The following ALOX12B variants were observed in gnomAD, a reference collection of about 807,000 sequenced individuals.
ALOX12B encodes arachidonate 12-lipoxygenase, 12R-type.
In ALOX12B, 47 loss-of-function variants were observed where a neutral mutation model predicts 78.9. The ratio of observed to expected loss-of-function variants is 0.60; its 90% confidence interval spans 0.47 to 0.76. The LOEUF (loss-of-function observed/expected upper bound fraction) is 0.76. ALOX12B is among the 30% of genes least tolerant of loss of function. The pLI is 0.00. For missense variants in ALOX12B, 805 were observed against 922.6 expected, an observed-to-expected ratio of 0.87 and a Z score of 1.65; for synonymous variants, 370 against 374.5, an observed-to-expected ratio of 0.99 and a Z score of 0.14.
Position 8,081,174 on chromosome 17 carries a change from T to C in ALOX12B, c.366A>G (p.Ala122=). The C allele has an allele frequency of 6.2e-7, 1 of 1,614,014 alleles. No individual in the cohort carries two copies. Among genetic ancestry groups the C allele is most frequent in the African/African-American group, 1.3e-5 (1 of 75,012 alleles). Residue 122 remains alanine, a synonymous_variant, in exon 3 of 15, where the codon GCA becomes GCG. Coordinates refer to ENST00000647874, the MANE Select transcript of ALOX12B (RefSeq NM_001139.3). ...ALREATGKTT[A]DDSLPVLLEH... is the part of the protein sequence containing the mutation. ...CCAGGAGGACGGGGAGCGAGTCATC[T>C]GCTGTTGTCTTTCCTGTAGGGAGAC...
intron 2 of ALOX12B, among the ~76,000 whole-genome samples, chr17:8,082,527 C>G (rs1977236775): frequency 2.0e-5 from 3 of 152,228 alleles, no homozygotes; most frequent in Non-Finnish European, 2.9e-5. Flanking sequence ...TAAGCCTGTT[C>G]CCACTAGCTG....
At chr17:8,083,761 C>A (rs914580740) in intron 2 of ALOX12B, among the ~76,000 whole-genome samples, 40 of 143,652 alleles carry the variant, frequency 2.8e-4, no homozygotes, top group Middle Eastern at 3.5e-3. Flanking sequence ...CAAAAAAAAA[C>A]AACTCCGTTC....
intron 12 of ALOX12B, among the ~76,000 whole-genome samples, chr17:8,073,992 C>A (rs1977035124): frequency 6.6e-6 from 1 of 152,206 alleles, no homozygotes; most frequent in Non-Finnish European, 1.5e-5. Context: ...CTGCTCCTGG[C>A]CCCTGTCTAA....
intron 2 of ALOX12B, among the ~76,000 whole-genome samples, chr17:8,083,948 G>A (rs1978290615): frequency 6.6e-6 from 1 of 152,050 alleles, no homozygotes; most frequent in Non-Finnish European, 1.5e-5. Context: ...CACAAGGTCA[G>A]GAGATCGAAA....
rs750156655 is a variant in ALOX12B, at chr17:8,080,924, G to C, written c.487C>G (p.Arg163Gly). Residue 163 changes from arginine (R) to glycine (G), a missense_variant, in exon 4 of 15, where the codon CGC becomes GGC. Transcript: ENST00000647874. The surrounding 1 kb of genome is among the most constrained non-coding windows in gnomAD (Gnocchi z 4.8). ...LPSYVHIPSY[R>G]PPVRRHRNPN... ...TTGCGATGCCTCCGCACCGGAGGGC[G>C]GTAACTGGGAATGTGCACATAGCTG... The C allele has an allele frequency of 8.7e-6, 14 of 1,613,904 alleles. No individual in the cohort carries two copies. Among genetic ancestry groups the C allele is most frequent in the Non-Finnish European group, 1.1e-5 (13 of 1,180,010 alleles).
rs1166532297 is a variant in ALOX12B, at chr17:8,079,994, G to T, written c.755-53C>A. ...AGGAGGCCCGGCCCCCCTCGGGGACGGAGAGGCATGGGACAGAAGAAGACT... is the reference window on the plus strand; with the variant it reads ...AGGAGGCCCGGCCCCCCTCGGGGACTGAGAGGCATGGGACAGAAGAAGACT... On this transcript the variant is annotated intron_variant, in intron 6 of 14. Coordinates refer to ENST00000647874, the MANE Select transcript of ALOX12B (RefSeq NM_001139.3). The surrounding 1 kb of genome is among the most constrained non-coding windows in gnomAD (Gnocchi z 6.4). 6.3e-7 allele frequency: 1 copy of T among 1,584,388 alleles called. No individual in the cohort carries two copies. Among genetic ancestry groups the T allele is most frequent in the South Asian group, 1.1e-5 (1 of 88,120 alleles).
At chr17:8,085,217 A>G (rs1978293023) in intron 2 of ALOX12B, among the ~76,000 whole-genome samples, 1 of 152,228 alleles carries the variant, frequency 6.6e-6, no homozygotes, top group Non-Finnish European at 1.5e-5. Flanking sequence ...ACTGGGGCTC[A>G]TGCCTGTAAT....
rs977997904 is a variant in ALOX12B, at chr17:8,077,278, A to T, written c.1072-85T>A. 5.4e-5 allele frequency: 75 copies of T among 1,378,936 alleles called. No homozygotes were observed. The African/African-American group carries it at 9.2e-4, about 17-fold the overall frequency. The allele number at this position is 1,378,936 out of a possible 1,614,324, so 85.4% of individuals were successfully genotyped here. On this transcript the variant is annotated intron_variant, in intron 8 of 14. Transcript: ENST00000647874. Reference sequence around the variant, plus strand: ...CCACCGCAGGAAGGAGGCAGAAGGGAGTATGAGAAGGTGAAAACACTCCTA... The same window carrying T: ...CCACCGCAGGAAGGAGGCAGAAGGGTGTATGAGAAGGTGAAAACACTCCTA...
intron 10 of ALOX12B, 150 bp from the exon 11 acceptor site, chr17:8,076,494 T>C (rs566975883): frequency 2.5e-4 from 311 of 1,240,528 alleles, no homozygotes; most frequent in Middle Eastern, 1.1e-3. Context: ...ACACCAGCCC[T>C]GCCTCTGCTC....
chr17:8,075,259 C>T (rs1977056546), intron 12 of ALOX12B, among the ~76,000 whole-genome samples: 1 of 152,214 alleles, frequency 6.6e-6, no homozygotes, highest in Non-Finnish European at 1.5e-5. Flanking sequence ...GCCTCCTGCC[C>T]CTTCCCGTTG....
chr17:8,083,760 AC>A (rs1297967747), intron 2 of ALOX12B, among the ~76,000 whole-genome samples: 1 of 149,446 alleles, frequency 6.7e-6, no homozygotes, highest in Non-Finnish European at 1.5e-5. Context: ...ACAAAAAAAA[AC>A]AACTCCGTTC....
Position 8,073,033 on chromosome 17 carries a change from T to G in ALOX12B, c.1927-83A>C. 7 of 1,596,668 alleles carry G rather than the reference T, an allele frequency of 4.4e-6. No homozygotes were observed. In the South Asian group the frequency reaches 4.4e-5, roughly 10 times the overall value. ...CCGGTGGCCCTGGCCCCTCCACCCT[T>G]TGGTTTCAGTGGCCTCTCACTCCCT... On this transcript the variant is annotated intron_variant, in intron 14 of 14. Transcript: ENST00000647874.
chr17:8,083,099 G>A (rs1183392371), intron 2 of ALOX12B, among the ~76,000 whole-genome samples: 1 of 152,058 alleles, frequency 6.6e-6, no homozygotes, highest in African/African-American at 2.4e-5. Flanking sequence ...TTTTTACTGG[G>A]AAGTGTTAGT....
rs771206612 is a variant in ALOX12B at position 8,086,018 on chromosome 17, G to A, written c.350C>T (p.Thr117Ile). 2 of 1,614,120 alleles carry A rather than the reference G, an allele frequency of 1.2e-6. No individual in the cohort carries two copies. Among genetic ancestry groups the A allele is most frequent in the Admixed American group, 3.3e-5 (2 of 60,032 alleles). Residue 117 changes from threonine (T) to isoleucine (I), a missense_variant and splice_region_variant, in exon 2 of 15, where the codon ACA becomes ATA. Transcript: ENST00000647874. ...GYETLALREA[T>I]GKTTADDSLP... is the part of the protein sequence containing the mutation. Reference sequence around the variant, plus strand: ...GGAGCAGGGTGATGAGGGCTTACCTGTGGCCTCCCGGAGTGCCAGGGTCTC... The same window carrying A: ...GGAGCAGGGTGATGAGGGCTTACCTATGGCCTCCCGGAGTGCCAGGGTCTC...
chr17:8,084,594 G>A (rs1978291801), intron 2 of ALOX12B, among the ~76,000 whole-genome samples: 1 of 152,142 alleles, frequency 6.6e-6, no homozygotes, highest in South Asian at 2.1e-4. Flanking sequence ...TGTGTCCCCA[G>A]TGAGACCCTC....
rs1477733910 is a variant in ALOX12B, at chr17:8,072,686, G to T, written c.*85C>A. ...TTTGTTTGGTGTTTTGGTCTCTGAG[G>T]TTTTTGTGTTTTTTGCTTGTTTGTT... On this transcript the variant is annotated 3_prime_UTR_variant, in exon 15 of 15. Coordinates refer to ENST00000647874, the MANE Select transcript of ALOX12B (RefSeq NM_001139.3). 2 of 1,564,376 alleles carry T rather than the reference G, an allele frequency of 1.3e-6. No individual in the cohort carries two copies. Among genetic ancestry groups the T allele is most frequent in the Admixed American group, 1.7e-5 (1 of 59,636 alleles).
chr17:8,076,580 G>A, intron 10 of ALOX12B, 77 bp downstream of exon 10: 1 of 1,476,790 alleles, frequency 6.8e-7, no homozygotes, highest in Non-Finnish European at 9.3e-7. Context: ...AGGCAAATGG[G>A]AAGTCCTCCT....
intron 8 of ALOX12B, among the ~76,000 whole-genome samples, chr17:8,078,894 CTT>C (rs398030274): frequency 0.07 from 8,097 of 115,220 alleles, 206 homozygotes; most frequent in South Asian, 0.12. Flanking sequence ...AATACTGGGA[CTT>C]TTTTTTTTTT....
At chr17:8,074,832 G>A (rs1229700124) in intron 12 of ALOX12B, among the ~76,000 whole-genome samples, 3 of 152,120 alleles carry the variant, frequency 2.0e-5, no homozygotes, top group Non-Finnish European at 2.9e-5. Flanking sequence ...GCTCTCTCTG[G>A]CTTTCTCGAC....
Sources: gnomAD v4.1 joint callset for allele counts (sites outside exome capture counted in the v4.1 genomes callset) on GRCh38, gnomAD v4.1.1 for gene constraint, Gnocchi (gnomAD v3.1) non-coding constraint, MANE v1.5 for transcripts, NCBI Gene and HGNC (gene_info 2026-07-23, HGNC 2026-07-21) for gene names.